RAD50: variants seen among roughly 807,000 people sequenced by gnomAD.
The protein encoded by RAD50 is RAD50 double strand break repair protein.
Under a neutral mutation model 168.8 loss-of-function variants are expected in RAD50, and 132 were observed. The ratio of observed to expected loss-of-function variants is 0.78; its 90% CI spans 0.68 to 0.90. The LOEUF (loss-of-function observed/expected upper bound fraction) is 0.90, where lower values mean the gene tolerates loss of function less well. RAD50 is among the 40% of genes least tolerant of loss of function. RAD50 has a pLI of 0.00. For synonymous variants in RAD50, 525 were observed against 497.4 expected, an observed-to-expected ratio of 1.06 and a Z score of -0.74; for missense variants, 1,347 against 1,534.4, an observed-to-expected ratio of 0.88 and a Z score of 2.04.
chr5:132,620,961 G>A (rs1751274173), intron 21 of RAD50, among the ~76,000 whole-genome samples: 1 of 151,936 alleles, frequency 6.6e-6, no homozygotes, highest in African/African-American at 2.4e-5. Flanking sequence ...AAGAGGAGGA[G>A]GAAGAAGAGG....
chr5:132,570,610 A>G (rs962863681), intron 2 of RAD50, among the ~76,000 whole-genome samples: 1 of 152,174 alleles, frequency 6.6e-6, no homozygotes, highest in Non-Finnish European at 1.5e-5. Context: ...TACTTCTCTC[A>G]GCCTTCATAG....
Position 132,591,857 on chromosome 5 carries a change from G to T in RAD50, c.1636-20G>T, listed in dbSNP as rs1028372746. On this transcript the variant is annotated intron_variant, in intron 10 of 24. Transcript: ENST00000378823. ...GGAGATATAGACTTTATTTTTAAAA[G>T]ATTTTTTTTTTACCTATAGGCTGAC... is the stretch of plus-strand genomic sequence containing the variant. 13 of 1,548,672 alleles carry T rather than the reference G, an allele frequency of 8.4e-6. No individual in the cohort carries two copies. Among genetic ancestry groups the T allele is most frequent in the Non-Finnish European group, 1.2e-5 (13 of 1,127,596 alleles).
intron 2 of RAD50, among the ~76,000 whole-genome samples, chr5:132,571,585 G>A (rs1750308002): frequency 6.6e-6 from 1 of 152,124 alleles, no homozygotes; most frequent in African/African-American, 2.4e-5. Flanking sequence ...GGGTGTGGTG[G>A]CATGCACCTA....
intron 11 of RAD50, chr5:132,592,772 T>G: frequency 2.1e-6 from 1 of 468,754 alleles, no homozygotes; most frequent in Admixed American, 2.4e-5. Flanking sequence ...AGGATTGTAC[T>G]GGTAAAGCCA....
intron 15 of RAD50, among the ~76,000 whole-genome samples, chr5:132,604,293 T>C (rs1318258439): frequency 5.3e-5 from 8 of 151,928 alleles, no homozygotes; most frequent in Non-Finnish European, 1.0e-4. Flanking sequence ...AAGATAGAGT[T>C]TCACTTTTGT....
chr5:132,605,340 G>T (rs191035402), intron 16 of RAD50, among the ~76,000 whole-genome samples: 1 of 151,976 alleles, frequency 6.6e-6, no homozygotes, highest in Non-Finnish European at 1.5e-5. Context: ...AGCATGCCCC[G>T]CCCCATTCTT....
intron 9 of RAD50, 69 bp from the exon 10 acceptor site, chr5:132,591,155 A>G: frequency 6.9e-7 from 1 of 1,453,698 alleles, no homozygotes; most frequent in Non-Finnish European, 9.6e-7. Context: ...TTTCTAATAC[A>G]CTTTGTCATT....
chr5:132,623,633 G>A (rs1245849216), intron 21 of RAD50, among the ~76,000 whole-genome samples: 1 of 152,116 alleles, frequency 6.6e-6, no homozygotes, highest in Non-Finnish European at 1.5e-5. Context: ...TTTAAAATAA[G>A]TTTTGTTATA....
chr5:132,612,557 G>A (rs961969565), intron 19 of RAD50, among the ~76,000 whole-genome samples: 3 of 152,076 alleles, frequency 2.0e-5, no homozygotes, highest in Middle Eastern at 3.2e-3. Flanking sequence ...TGTGTTGGCC[G>A]GGCACAGTGG....
At position 132,609,340 on chromosome 5, in the gene RAD50, A is replaced by T. The variant is rs876660364; in HGVS notation, c.2980A>T (p.Lys994Ter). The T allele has an allele frequency of 1.9e-6, 3 of 1,613,768 alleles. No individual in the cohort carries two copies. Among genetic ancestry groups the T allele is most frequent in the Admixed American group, 3.3e-5 (2 of 60,008 alleles). Residue 994 changes from lysine (K) to a stop codon, truncating the protein, a stop_gained, in exon 19 of 25, where the codon AAA (lysine) becomes TAA (stop). Transcript: ENST00000378823. LOFTEE classifies it high-confidence loss of function. ...TCAACTAAGTGAATGCGAGAAACAC[A>T]AAGAAAAGATAAATGAAGATATGAG... is the stretch of plus-strand genomic sequence containing the variant. Reference protein sequence around the residue: ...IAQLSECEKHKEKINEDMRLM... With the variant: ...IAQLSECEKH
At chr5:132,622,755 G>A (rs1225095271) in intron 21 of RAD50, among the ~76,000 whole-genome samples, 1 of 152,070 alleles carries the variant, frequency 6.6e-6, no homozygotes, top group Non-Finnish European at 1.5e-5. Context: ...TGAAGTTTCT[G>A]TGTTTTATTA....
chr5:132,617,527 A>G (rs1416969457), intron 20 of RAD50, among the ~76,000 whole-genome samples: 1 of 152,208 alleles, frequency 6.6e-6, no homozygotes, highest in Non-Finnish European at 1.5e-5. Context: ...AAAAGTTTGA[A>G]TATTTTACTT....
intron 22 of RAD50, 139 bp from the exon 23 acceptor site, chr5:132,637,942 A>G: frequency 1.0e-6 from 1 of 985,948 alleles, no homozygotes; most frequent in African/African-American, 1.6e-5. Flanking sequence ...CAGCCAGAGA[A>G]AGAGTTTCCA....
Position 132,557,294 on chromosome 5 carries a change from G to A in RAD50, c.-31G>A, listed in dbSNP as rs1321353680. The A allele has an allele frequency of 6.2e-7, 1 of 1,613,236 alleles. No homozygotes were observed. Among genetic ancestry groups the A allele is most frequent in the Admixed American group, 1.7e-5 (1 of 60,030 alleles). On this transcript the variant is annotated 5_prime_UTR_variant, in exon 1 of 25. Transcript: ENST00000378823. ...TCAGTTAAGCCTTTGTGGGCTCCAG[G>A]TCCCTGGTGAGATTAGAAACGTTTG...
intron 2 of RAD50, among the ~76,000 whole-genome samples, chr5:132,570,798 C>T (rs1218088310): frequency 6.6e-6 from 1 of 152,172 alleles, no homozygotes; most frequent in Non-Finnish European, 1.5e-5. Flanking sequence ...AAGAACTTTT[C>T]CTTTGCCCTC....
At position 132,605,870 on chromosome 5, in the gene RAD50, C is replaced by T. The variant is rs543064998; in HGVS notation, c.2718+871C>T. ...ACAAGGAAACTGAACAACCTGCTCC[C>T]GAATGACTACCGGTTAAATAACGAA... is the stretch of plus-strand genomic sequence containing the variant. On this transcript the variant is annotated intron_variant, in intron 16 of 24. Coordinates refer to ENST00000378823, the MANE Select transcript of RAD50 (RefSeq NM_005732.4). Among the ~76,000 whole-genome samples the T allele has an allele frequency of 2.4e-4, 37 of 152,164 alleles. No individual in the cohort carries two copies. In the Middle Eastern group the frequency reaches 0.02, roughly 84 times the overall value.
At chr5:132,579,716 C>A in intron 4 of RAD50, 146 bp from the exon 5 acceptor site, 1 of 871,548 alleles carries the variant, frequency 1.1e-6, no homozygotes, top group Non-Finnish European at 1.8e-6. Flanking sequence ...TAATTTTTTT[C>A]ACTTACCATT....
chr5:132,627,767 A>C (rs981929990), intron 21 of RAD50, among the ~76,000 whole-genome samples: 1 of 152,210 alleles, frequency 6.6e-6, no homozygotes, highest in Non-Finnish European at 1.5e-5. Context: ...TCTGATTTCT[A>C]GTTGGAAGAA....
At chr5:132,568,900 C>T (rs1750254673) in intron 2 of RAD50, among the ~76,000 whole-genome samples, 1 of 152,166 alleles carries the variant, frequency 6.6e-6, no homozygotes, top group African/African-American at 2.4e-5. Context: ...GTAAAAGCTG[C>T]TCTAGGTCCC....
Sources: gnomAD v4.1 joint callset for allele counts (sites outside exome capture counted in the v4.1 genomes callset) on GRCh38, gnomAD v4.1.1 for gene constraint, MANE v1.5 for transcripts, NCBI Gene and HGNC (gene_info 2026-07-23, HGNC 2026-07-21) for gene names.